The following TUT7 variants were observed in gnomAD, a reference collection of about 807,000 sequenced individuals.
TUT7 encodes terminal uridylyltransferase 7.
In TUT7, 33 loss-of-function variants were observed where a neutral mutation model predicts 165.9. The observed-to-expected ratio is 0.20, with a 90% CI of 0.15 to 0.27. TUT7 has a LOEUF of 0.27. Among genes scored for constraint, TUT7 ranks in the 10% least tolerant of loss-of-function variants. The probability of loss-of-function intolerance (pLI) is 1.00; values close to 1 mark genes in which losing one functional copy is unlikely to be tolerated. For synonymous variants in TUT7, 552 were observed against 608.1 expected (o/e 0.91, Z 1.36); for missense variants, 1,338 against 1,762.3 (o/e 0.76, Z 4.31).
intron 10 of TUT7, among the ~76,000 whole-genome samples, chr9:86,329,455 A>C (rs1366177952): frequency 6.6e-6 from 1 of 151,932 alleles, no homozygotes; most frequent in Non-Finnish European, 1.5e-5. Flanking sequence ...CCTGGGAGGC[A>C]GAGGTTGCAG....
At chr9:86,317,371 A>G (rs901873712) in intron 16 of TUT7, 95 bp from the exon 17 acceptor site, 3 of 1,032,720 alleles carry the variant, frequency 2.9e-6, no homozygotes, top group Non-Finnish European at 4.4e-6. Flanking sequence ...TAATGTAATT[A>G]ATTTCAAGTC....
At chr9:86,326,706 C>T (rs754084675) in intron 11 of TUT7, among the ~76,000 whole-genome samples, 7 of 152,170 alleles carry the variant, frequency 4.6e-5, no homozygotes, top group Non-Finnish European at 8.8e-5. Flanking sequence ...TGAAGCCCCA[C>T]GAGTGCCCAT....
At position 86,323,905 on chromosome 9, in the gene TUT7, A is replaced by C. The variant is rs1829556692; in HGVS notation, c.1845T>G (p.Phe615Leu). ...VARTLNSQPVFEYILHCLRTT... is the reference protein window; with the variant it reads ...VARTLNSQPVLEYILHCLRTT... The stretch of plus-strand genomic sequence containing the variant: ...TCCTTAAACAATGAAGTATATATTC[A>C]AACACAGGTTGACTATTTAGGGTTC... Residue 615 changes from phenylalanine to leucine, a missense_variant, in exon 13 of 27, where the codon TTT (phenylalanine) becomes TTG (leucine). By Grantham distance (22) the Phe-to-Leu change is conservative. Coordinates refer to ENST00000375963, the MANE Select transcript of TUT7 (RefSeq NM_024617.4). The C allele has an allele frequency of 6.2e-7, 1 of 1,611,892 alleles. No homozygotes were observed. The highest frequency in any genetic ancestry group is 8.5e-7 in the Non-Finnish European group (1 of 1,178,818).
rs1208521513 is a variant in TUT7, at chr9:86,352,949, T to C, written c.251A>G (p.Tyr84Cys). ...SNPYAFKNPI[Y>C]SQPAWMNDSH... ...GTCATTCATCCAAGCGGGTTGACTG[T>C]AGATTGGGTTTTTAAATGCATATGG... Residue 84 changes from tyrosine to cysteine, a missense_variant, in exon 2 of 27, where the codon TAC (tyrosine) becomes TGC (cysteine). Transcript: ENST00000375963. 2.1e-5 allele frequency: 34 copies of C among 1,614,214 alleles called. No individual in the cohort carries two copies. Among genetic ancestry groups the C allele is most frequent in the African/African-American group, 2.7e-5 (2 of 75,056 alleles).
At chr9:86,333,659 CATT>C (rs1173360925) in intron 10 of TUT7, among the ~76,000 whole-genome samples, 2 of 152,144 alleles carry the variant, frequency 1.3e-5, no homozygotes, top group Non-Finnish European at 2.9e-5. Context: ...GCATATTAAT[CATT>C]ATTATTTTAA....
intron 6 of TUT7, among the ~76,000 whole-genome samples, 186 bp from the exon 7 acceptor site, chr9:86,341,239 G>T (rs1831299250): frequency 1.3e-5 from 2 of 152,200 alleles, no homozygotes; most frequent in African/African-American, 2.4e-5. Flanking sequence ...AACACCAAAT[G>T]AAGACAAATG....
In TUT7 at chr9:86,353,171, A is replaced by C; in HGVS notation, c.29T>G (p.Val10Gly). The change falls in exon 2 of 27, where the codon GTG (valine) becomes GGG (glycine). Residue 10 changes from valine to glycine, a missense_variant. Physicochemically the swap from Val to Gly is moderately radical, Grantham distance 109 (BLOSUM62 -3). Coordinates refer to ENST00000375963, the MANE Select transcript of TUT7 (RefSeq NM_024617.4). Reference sequence around the variant, plus strand: ...AGTCCCCCGGTCTTTAGTGCGCTTCACGAAATAAGGTTTTGCTGTATCTCC... The same window carrying C: ...AGTCCCCCGGTCTTTAGTGCGCTTCCCGAAATAAGGTTTTGCTGTATCTCC... MGDTAKPYF[V>G]KRTKDRGTMD... 6.3e-7 allele frequency: 1 copy of C among 1,590,702 alleles called. No individual in the cohort carries two copies. Among genetic ancestry groups the C allele is most frequent in the Non-Finnish European group, 8.5e-7 (1 of 1,172,218 alleles).
Position 86,309,968 on chromosome 9 carries a change from C to G in TUT7, c.3428G>C (p.Arg1143Thr). Reference sequence around the variant, plus strand: ...CATGGTATAGCACAAATACTTCACTCTGGGATCAATGGCGGAATAAGCAGA... The same window carrying G: ...CATGGTATAGCACAAATACTTCACTGTGGGATCAATGGCGGAATAAGCAGA... ...LLSAYSAIDPRVKYLCYTMKV... is the reference protein window; with the variant it reads ...LLSAYSAIDPTVKYLCYTMKV... Residue 1143 changes from arginine to threonine, a missense_variant, in exon 19 of 27, where the codon AGA becomes ACA. Coordinates refer to ENST00000375963, the MANE Select transcript of TUT7 (RefSeq NM_024617.4). 1 of 1,613,858 alleles carries G rather than the reference C, an allele frequency of 6.2e-7. No individual in the cohort carries two copies.
At chr9:86,339,924 A>T (rs1831184765) in intron 8 of TUT7, 112 bp downstream of exon 8, 4 of 825,932 alleles carry the variant, frequency 4.8e-6, no homozygotes, top group Non-Finnish European at 8.1e-6. Flanking sequence ...ACCATGTGTG[A>T]TAACCAAATA....
intron 24 of TUT7, among the ~76,000 whole-genome samples, chr9:86,304,375 G>C (rs749570399): frequency 1.1e-4 from 16 of 152,018 alleles, no homozygotes; most frequent in Non-Finnish European, 1.9e-4. Flanking sequence ...AATAAATGTG[G>C]TTCCTGAAAA....
At chr9:86,312,393 C>T (rs1207875546) in intron 17 of TUT7, among the ~76,000 whole-genome samples, 1 of 151,724 alleles carries the variant, frequency 6.6e-6, no homozygotes, top group Non-Finnish European at 1.5e-5. Context: ...GCAGCCGCCC[C>T]GTCTGAGAAG....
chr9:86,347,090 C>T (rs953127316), intron 2 of TUT7, among the ~76,000 whole-genome samples: 5 of 152,048 alleles, frequency 3.3e-5, no homozygotes, highest in Non-Finnish European at 7.4e-5. Context: ...TGAAGAAGTC[C>T]AAGCCAAAAT....
intron 10 of TUT7, among the ~76,000 whole-genome samples, chr9:86,332,339 C>T (rs700770): frequency 0.25 from 37,553 of 150,166 alleles, 6,244 homozygotes; most frequent in Non-Finnish European, 0.35. Context: ...ACATATACAC[C>T]GTGGAATACT....
chr9:86,300,503 C>T (rs868776452), intron 26 of TUT7, among the ~76,000 whole-genome samples: 22 of 152,164 alleles, frequency 1.4e-4, no homozygotes, highest in African/African-American at 5.3e-4. Flanking sequence ...ATCACTTGCA[C>T]AGTTCTGAGA....
chr9:86,322,876 G>C lies in TUT7; in HGVS notation c.2874C>G (p.Gly958=). The change falls in exon 13 of 27, where the codon GGC becomes GGG. Residue 958 remains glycine, a synonymous_variant. Coordinates refer to ENST00000375963, the MANE Select transcript of TUT7 (RefSeq NM_024617.4). ...YEFSKLIFTK[G]KSPTVVCSLC... is the part of the protein sequence containing the mutation. ...GACTAGTGGTGGTACTGATTACCTT[G>C]CCTTTGGTGAAGATAAGTTTACTGA... 1.9e-6 allele frequency: 3 copies of C among 1,590,252 alleles called. No individual in the cohort carries two copies. The highest frequency in any genetic ancestry group is 2.6e-6 in the Non-Finnish European group (3 of 1,170,052).
rs1176096389 is a variant in TUT7 at position 86,325,376 on chromosome 9, G to T, written c.1747C>A (p.Arg583=). The change falls in exon 12 of 27, where the codon CGG becomes AGG. Residue 583 remains arginine (R), a synonymous_variant. Transcript: ENST00000375963. ...ISIRVKELVS[R]ELKDWPKKRI... is the part of the protein sequence containing the mutation. ...TTTTTGGGCCAATCCTTCAATTCCC[G>T]AGATACCAATTCTTTGACACGAATA... The T allele has an allele frequency of 5.6e-6, 9 of 1,613,812 alleles. No homozygotes were observed. Among genetic ancestry groups the T allele is most frequent in the Non-Finnish European group, 6.8e-6 (8 of 1,179,950 alleles).
At position 86,311,599 on chromosome 9, in the gene TUT7, C is replaced by CTCTCCCG. The variant is rs1442596583; in HGVS notation, c.3275-791_3275-790insCGGGAGA. Among the ~76,000 whole-genome samples, 4 of 151,934 alleles carry CTCTCCCG rather than the reference C, an allele frequency of 2.6e-5. No individual in the cohort carries two copies. The highest frequency in any genetic ancestry group is 2.6e-4 in the Admixed American group (4 of 15,252). ...CTCCCTCTCCCCTCTTCCCTCTCCC[C>CTCTCCCG]TCTCCCCACGGTCTCCCTCTCCCTC... On this transcript the variant is annotated intron_variant, in intron 17 of 26. Coordinates refer to ENST00000375963, the MANE Select transcript of TUT7 (RefSeq NM_024617.4). This position sits in a 1 kb window ranked among gnomAD's most constrained non-coding sequence, Gnocchi z 4.4.
At chr9:86,336,865 C>T (rs1830828547) in intron 10 of TUT7, 1 of 152,292 alleles carries the variant, frequency 6.6e-6, no homozygotes, top group African/African-American at 2.4e-5. Flanking sequence ...AAAGAGTGAT[C>T]ACATGAATTC....
At position 86,345,080 on chromosome 9, in the gene TUT7, G is replaced by A; in HGVS notation, c.894C>T (p.Ala298=). 3.1e-6 allele frequency: 5 copies of A among 1,613,744 alleles called. No individual in the cohort carries two copies. Among genetic ancestry groups the A allele is most frequent in the Non-Finnish European group, 4.2e-6 (5 of 1,179,840 alleles). Residue 298 remains alanine (A), a synonymous_variant, in exon 5 of 27, where the codon GCC becomes GCT. Coordinates refer to ENST00000375963, the MANE Select transcript of TUT7 (RefSeq NM_024617.4). ...TPSQINAVGI[A]IDKVVQEFGL... is the part of the protein sequence containing the mutation. ...CAAATTCCTGTACCACTTTGTCAAT[G>A]GCAATGCCAACTGCATTTATCTGGG... is the stretch of plus-strand genomic sequence containing the variant.
Sources: allele counts gnomAD v4.1 joint callset (sites outside exome capture counted in the v4.1 genomes callset), GRCh38; gene constraint gnomAD v4.1.1; non-coding constraint Gnocchi (gnomAD v3.1); transcripts MANE v1.5; gene names NCBI Gene and HGNC (gene_info 2026-07-23, HGNC 2026-07-21).